DRC8: variants seen among roughly 807,000 people sequenced by gnomAD.
DRC8 encodes dynein regulatory complex subunit 8, also known as dynein regulatory complex protein 8.
the DRC8 span, among the ~76,000 whole-genome samples, chr1:245,089,999 A>G: frequency 6.6e-6 from 1 of 152,320 alleles, no homozygotes; most frequent in East Asian, 1.9e-4. This position sits in a 1 kb window ranked among gnomAD's most constrained non-coding sequence, Gnocchi z 4.8. Context: ...AATGGGAGAA[A>G]GAGTTGAGAA....
chr1:245,086,574 A>G, the DRC8 span, among the ~76,000 whole-genome samples: 1 of 152,222 alleles, frequency 6.6e-6, no homozygotes, highest in Non-Finnish European at 1.5e-5. Flanking sequence ...CTAAGTGTCC[A>G]GGAATGTGTA....
At chr1:244,975,032 A>G in the DRC8 span, among the ~76,000 whole-genome samples, 12 of 150,976 alleles carry the variant, frequency 7.9e-5, no homozygotes, top group Middle Eastern at 3.4e-3. Context: ...CCAGGTTCAC[A>G]CCATTCTCCT....
chr1:245,079,718 G>A, the DRC8 span, among the ~76,000 whole-genome samples: 1 of 151,862 alleles, frequency 6.6e-6, no homozygotes, highest in Non-Finnish European at 1.5e-5. Context: ...GGTGGTGGGA[G>A]GAAAGGAAAA....
At chr1:245,053,965 C>T in the DRC8 span, among the ~76,000 whole-genome samples, 1 of 152,096 alleles carries the variant, frequency 6.6e-6, no homozygotes, top group East Asian at 1.9e-4. Flanking sequence ...GCCCTCCCAC[C>T]CTCTCAGGAA....
the DRC8 span, among the ~76,000 whole-genome samples, chr1:245,011,681 A>G: frequency 6.6e-6 from 1 of 152,210 alleles, no homozygotes; most frequent in Non-Finnish European, 1.5e-5. Flanking sequence ...GTAGTCCTAG[A>G]TTTCAGTTAA....
the DRC8 span, among the ~76,000 whole-genome samples, chr1:245,058,681 G>C: frequency 6.6e-6 from 1 of 152,200 alleles, no homozygotes; most frequent in Non-Finnish European, 1.5e-5. Context: ...TATTCAGAGA[G>C]TATTGAATAG....
the DRC8 span, chr1:244,970,938 G>A: frequency 4.7e-3 from 855 of 182,466 alleles, 11 homozygotes; most frequent in African/African-American, 0.019. Flanking sequence ...CAGGCGCCAC[G>A]CCCGTAGCTG....
At chr1:245,023,806 G>A in the DRC8 span, among the ~76,000 whole-genome samples, 1 of 152,168 alleles carries the variant, frequency 6.6e-6, no homozygotes, top group African/African-American at 2.4e-5. Context: ...AACGTGAATG[G>A]TATGATACTA....
chr1:245,109,431 C>T, the DRC8 span, among the ~76,000 whole-genome samples: 204 of 152,296 alleles, frequency 1.3e-3, no homozygotes, highest in African/African-American at 4.0e-3. Context: ...TTTCTGGCCT[C>T]CTCCCCTGCA....
chr1:245,100,151 G>A, the DRC8 span, among the ~76,000 whole-genome samples: 12 of 152,162 alleles, frequency 7.9e-5, no homozygotes, highest in African/African-American at 2.2e-4. Context: ...TTGGGAGGCC[G>A]AGGCGGGTGG....
the DRC8 span, chr1:245,087,228 C>G: frequency 6.3e-7 from 1 of 1,598,300 alleles, no homozygotes. Flanking sequence ...ATAAATTTTC[C>G]TTTTTGTCTC....
the DRC8 span, chr1:245,091,385 A>G: frequency 6.6e-6 from 1 of 152,330 alleles, no homozygotes; most frequent in Non-Finnish European, 1.5e-5. Context: ...TGGAGCATAC[A>G]GGACAGCTCT....
the DRC8 span, among the ~76,000 whole-genome samples, chr1:245,041,815 C>T: frequency 3.3e-5 from 5 of 152,042 alleles, no homozygotes; most frequent in African/African-American, 1.2e-4. Flanking sequence ...GGGATGCTCG[C>T]GCACAGAGGG....
At chr1:245,102,724 A>G in the DRC8 span, among the ~76,000 whole-genome samples, 1 of 152,262 alleles carries the variant, frequency 6.6e-6, no homozygotes. Context: ...CAAAAAACAT[A>G]CAAAACAGAG....
chr1:245,061,765 G>A, the DRC8 span, among the ~76,000 whole-genome samples: 1 of 152,146 alleles, frequency 6.6e-6, no homozygotes, highest in Admixed American at 6.5e-5. Flanking sequence ...TTCTATAATA[G>A]TTTCAGAGAT....
the DRC8 span, among the ~76,000 whole-genome samples, chr1:245,089,410 C>T: frequency 5.3e-5 from 8 of 151,472 alleles, no homozygotes; most frequent in African/African-American, 1.2e-4. This position sits in a 1 kb window ranked among gnomAD's most constrained non-coding sequence, Gnocchi z 4.8. Context: ...TCAGCATTTA[C>T]GGGAAGGCAG....
chr1:244,996,858 G>T, the DRC8 span, among the ~76,000 whole-genome samples: 3 of 152,248 alleles, frequency 2.0e-5, no homozygotes, highest in Admixed American at 1.3e-4. Context: ...TCTCCATGCA[G>T]TCACCCCTTG....
the DRC8 span, among the ~76,000 whole-genome samples, chr1:245,029,642 C>T: frequency 2.4e-4 from 35 of 148,922 alleles, no homozygotes; most frequent in East Asian, 6.8e-3. Flanking sequence ...GTCACCCGGA[C>T]TGGAGTGCAA....
the DRC8 span, among the ~76,000 whole-genome samples, chr1:245,026,563 G>A: frequency 6.6e-5 from 10 of 152,182 alleles, no homozygotes; most frequent in East Asian, 3.8e-4. Context: ...AACTGTTATC[G>A]ATACTGGGTC....
Sources: gnomAD v4.1 joint callset for allele counts (sites outside exome capture counted in the v4.1 genomes callset) on GRCh38, gnomAD v4.1.1 for gene constraint, Gnocchi (gnomAD v3.1) non-coding constraint, MANE v1.5 for transcripts, NCBI Gene and HGNC (gene_info 2026-07-23, HGNC 2026-07-21) for gene names.